CFAP46: variants seen among roughly 807,000 people sequenced by gnomAD.
CFAP46 encodes cilia and flagella associated protein 46.
CFAP46 carries 245 observed loss-of-function variants against 325.7 expected under a neutral mutation model. The ratio of observed to expected loss-of-function variants is 0.75; its 90% CI spans 0.68 to 0.84. The LOEUF (loss-of-function observed/expected upper bound fraction) is 0.84, where lower values mean the gene tolerates loss of function less well. Ranked by LOEUF, CFAP46 falls within the 40% of genes least tolerant of loss-of-function variation. The probability of loss-of-function intolerance (pLI) is 0.00; values close to 1 mark genes in which losing one functional copy is unlikely to be tolerated. For synonymous variants in CFAP46, 1,523 were observed against 1,495.9 expected (o/e 1.02, Z -0.42); for missense variants, 3,346 against 3,543.0 (o/e 0.94, Z 1.41).
chr10:132,855,796 T>G (rs1186556002), intron 39 of CFAP46, among the ~76,000 whole-genome samples: 1 of 152,234 alleles, frequency 6.6e-6, no homozygotes, highest in East Asian at 1.9e-4. Flanking sequence ...GCTATTGTTG[T>G]CGTACATTTT....
intron 25 of CFAP46, among the ~76,000 whole-genome samples, chr10:132,891,978 G>A (rs1314100165): frequency 1.3e-5 from 2 of 152,020 alleles, no homozygotes; most frequent in African/African-American, 4.8e-5. Flanking sequence ...ATAAACCAAC[G>A]ACCTTGGGCC....
intron 54 of CFAP46, among the ~76,000 whole-genome samples, chr10:132,813,747 G>A (rs978111162): frequency 1.3e-5 from 2 of 152,074 alleles, no homozygotes; most frequent in African/African-American, 2.4e-5. Context: ...GACGTGGAAC[G>A]ATCCCTCCCA....
intron 43 of CFAP46, 126 bp downstream of exon 43, chr10:132,846,806 T>C: frequency 8.0e-7 from 1 of 1,246,226 alleles, no homozygotes; most frequent in Non-Finnish European, 1.1e-6. Context: ...TCCCACTGCT[T>C]AAGGACCCTG....
Position 132,934,996 on chromosome 10 carries a change from T to C in CFAP46, c.756-134A>G. 4.5e-6 allele frequency: 3 copies of C among 673,094 alleles called. No homozygotes were observed. In the South Asian group the frequency reaches 5.1e-5, roughly 11 times the overall value. 41.7% of individuals were successfully genotyped at this position (673,094 alleles called of 1,614,324 possible). A position where few individuals can be genotyped will look rare whatever the true frequency, so the allele number is the denominator to read the frequency against. ...ACTGAAAATAACCCCTCCTGCCTTC[T>C]TTCCTCAAATTCCTGAGATGACTTT... On this transcript the variant is annotated intron_variant, in intron 7 of 57. Transcript: ENST00000368586.
At chr10:132,857,501 A>G in intron 39 of CFAP46, 89 bp downstream of exon 39, 1 of 1,313,544 alleles carries the variant, frequency 7.6e-7, no homozygotes, top group Non-Finnish European at 1.1e-6. Context: ...TAGAAGCAGA[A>G]GTCAGCTGGC....
rs569433576 is a variant in CFAP46 at position 132,817,521 on chromosome 10, C to T, written c.7118-2607G>A. ...TGGTTTTCTACCTGTTTCTCCATGA[C>T]CAGCTGTTGGATTTGATTGAGGTAA... On this transcript the variant is annotated intron_variant, in intron 50 of 57. Coordinates refer to ENST00000368586, the MANE Select transcript of CFAP46 (RefSeq NM_001200049.3). This position sits in a 1 kb window ranked among gnomAD's most constrained non-coding sequence, Gnocchi z 4.4. Among the ~76,000 whole-genome samples, 44 of 152,308 alleles carry T rather than the reference C, an allele frequency of 2.9e-4. No individual in the cohort carries two copies. Among genetic ancestry groups the T allele is most frequent in the African/African-American group, 1.0e-3 (43 of 41,562 alleles).
At chr10:132,823,772 TGC>T in intron 50 of CFAP46, among the ~76,000 whole-genome samples, 1 of 120,168 alleles carries the variant, frequency 8.3e-6, no homozygotes, top group Admixed American at 9.5e-5. Context: ...GTGTGCTGTG[TGC>T]TGTGTGTGCA....
chr10:132,845,571 C>T (rs964958188), intron 44 of CFAP46, among the ~76,000 whole-genome samples: 3 of 152,340 alleles, frequency 2.0e-5, no homozygotes, highest in East Asian at 3.9e-4. Flanking sequence ...CAAGAAATGT[C>T]GTCGTCTTTT....
chr10:132,825,551 G>T (rs1347915953), intron 50 of CFAP46, among the ~76,000 whole-genome samples: 1 of 152,160 alleles, frequency 6.6e-6, no homozygotes, highest in Non-Finnish European at 1.5e-5. Flanking sequence ...CTTCTTACAT[G>T]CCGGTCACAC....
At chr10:132,888,734 A>G (rs1405284910) in intron 25 of CFAP46, among the ~76,000 whole-genome samples, 1 of 81,672 alleles carries the variant, frequency 1.2e-5, no homozygotes, top group Admixed American at 1.3e-4. Context: ...TGCACCTGCC[A>G]CCTTCACCCC....
chr10:132,919,482 C>T lies in CFAP46; in HGVS notation c.1731-40G>A, dbSNP rs1849688212. On this transcript the variant is annotated intron_variant, in intron 14 of 57. Transcript: ENST00000368586. This position sits in a 1 kb window ranked among gnomAD's most constrained non-coding sequence, Gnocchi z 9.7. ...CCCAAACGAGTGAAAGGTGAGTAGA[C>T]AAGTGTGGTTGCTGAAGTTAGAAAA... is the stretch of plus-strand genomic sequence containing the variant. 6.6e-7 allele frequency: 1 copy of T among 1,521,228 alleles called. No homozygotes were observed. 94.2% of individuals were successfully genotyped at this position (1,521,228 alleles called of 1,614,324 possible). A position where few individuals can be genotyped will look rare whatever the true frequency, so the allele number is the denominator to read the frequency against.
chr10:132,847,629 A>T lies in CFAP46; in HGVS notation c.5953-308T>A, dbSNP rs1467830702. Among the ~76,000 whole-genome samples the T allele has an allele frequency of 6.6e-6, 1 of 151,894 alleles. No individual in the cohort carries two copies. Among genetic ancestry groups the T allele is most frequent in the Non-Finnish European group, 1.5e-5 (1 of 67,950 alleles). ...GTCACGTGGGCCTGGAATCCAACAC[A>T]TTCCCAGGGGGCTCTCGTTCCTGTC... On this transcript the variant is annotated intron_variant, in intron 41 of 57. Coordinates refer to ENST00000368586, the MANE Select transcript of CFAP46 (RefSeq NM_001200049.3). This position sits in a 1 kb window ranked among gnomAD's most constrained non-coding sequence, Gnocchi z 5.2.
At chr10:132,938,795 C>T in intron 4 of CFAP46, 42 bp from the exon 5 acceptor site, 5 of 1,585,540 alleles carry the variant, frequency 3.2e-6, no homozygotes, top group Non-Finnish European at 4.3e-6. Context: ...GCTCAAAGCC[C>T]AGCCGGCCCA....
intron 35 of CFAP46, among the ~76,000 whole-genome samples, chr10:132,863,823 C>CAG: frequency 7.3e-6 from 1 of 136,962 alleles, no homozygotes; most frequent in Non-Finnish European, 1.6e-5. Context: ...ACCTGTCCCC[C>CAG]TGCCTGAGAC....
At chr10:132,851,365 C>A (rs1015746150) in intron 39 of CFAP46, 60 bp from the exon 40 acceptor site, 4 of 1,534,476 alleles carry the variant, frequency 2.6e-6, no homozygotes, top group Non-Finnish European at 1.8e-6. Context: ...GAATCTACAT[C>A]CCCACAACTT....
At chr10:132,880,206 G>A (rs745390544) in intron 28 of CFAP46, among the ~76,000 whole-genome samples, 10 of 152,328 alleles carry the variant, frequency 6.6e-5, no homozygotes, top group African/African-American at 2.4e-4. Context: ...CACCCCATGG[G>A]ACTCTCCGTG....
chr10:132,827,942 G>A lies in CFAP46; in HGVS notation c.7117+5416C>T, dbSNP rs190528639. ...TGAGTGAGCCCCGTCACCCCTCGGC[G>A]TAATCCTTCTGAGTGAGCCCCGTCA... On this transcript the variant is annotated intron_variant, in intron 50 of 57. Transcript: ENST00000368586. The surrounding 1 kb of genome is among the most constrained non-coding windows in gnomAD (Gnocchi z 5.7). 2.6e-3 allele frequency among the ~76,000 whole-genome samples: 398 copies of A among 150,946 alleles called. 1 individual carries two copies. Among genetic ancestry groups the A allele is most frequent in the African/African-American group, 7.9e-3 (323 of 41,112 alleles).
intron 25 of CFAP46, among the ~76,000 whole-genome samples, chr10:132,887,717 CTCTCTCTCTCCTCTCCCCTCT>C (rs1465628608): frequency 1.2e-4 from 14 of 113,218 alleles, no homozygotes; most frequent in Non-Finnish European, 2.4e-4. Flanking sequence ...CTCTCCGCTC[CTCTCTCTCTCCTCTCCCCTCT>C]TCTCTCTCTC....
intron 50 of CFAP46, among the ~76,000 whole-genome samples, chr10:132,820,873 C>T (rs1847790860): frequency 9.7e-6 from 1 of 103,264 alleles, no homozygotes; most frequent in African/African-American, 4.0e-5. Flanking sequence ...GCTGTGTGTG[C>T]TGATGTGTGC....
Sources: allele counts gnomAD v4.1 joint callset (sites outside exome capture counted in the v4.1 genomes callset), GRCh38; gene constraint gnomAD v4.1.1; non-coding constraint Gnocchi (gnomAD v3.1); transcripts MANE v1.5; gene names NCBI Gene and HGNC (gene_info 2026-07-23, HGNC 2026-07-21).